The following DPP10 variants were observed in gnomAD, a reference collection of about 807,000 sequenced individuals.
The protein encoded by DPP10 is inactive dipeptidyl peptidase 10.
DPP10 carries 33 observed loss-of-function variants against 120.9 expected under a neutral mutation model. The ratio of observed to expected loss-of-function variants is 0.27; its 90% CI spans 0.21 to 0.37. DPP10 has a LOEUF of 0.37. Among genes scored for constraint, DPP10 ranks in the 10% least tolerant of loss-of-function variants. The pLI is 1.00. For synonymous variants in DPP10, 337 were observed against 326.1 expected (o/e 1.03, Z -0.36); for missense variants, 816 against 942.8 (o/e 0.87, Z 1.76).
chr2:115,794,834 T>C (rs55678800), intron 19 of DPP10, among the ~76,000 whole-genome samples: 281 of 152,276 alleles, frequency 1.8e-3, no homozygotes, highest in Non-Finnish European at 3.4e-3. Flanking sequence ...CTCGTATTGT[T>C]CTTTTTTAAT....
intron 1 of DPP10, among the ~76,000 whole-genome samples, chr2:114,795,827 G>A (rs986821335): frequency 2.6e-5 from 4 of 151,922 alleles, no homozygotes; most frequent in South Asian, 2.1e-4. Flanking sequence ...AAATATACAC[G>A]AATCTATTAT....
At chr2:115,452,389 C>G (rs1052585313) in intron 3 of DPP10, among the ~76,000 whole-genome samples, 2 of 151,932 alleles carry the variant, frequency 1.3e-5, no homozygotes, top group African/African-American at 4.8e-5. Flanking sequence ...CTCCCACACT[C>G]TCTAATTCCT....
chr2:115,785,724 CT>C (rs1217435027), intron 17 of DPP10, among the ~76,000 whole-genome samples: 1 of 151,862 alleles, frequency 6.6e-6, no homozygotes, highest in Non-Finnish European at 1.5e-5. Context: ...ACTTTTCTCT[CT>C]TTTTTCTTAG....
chr2:115,517,061 T>A (rs1372184691), intron 4 of DPP10, among the ~76,000 whole-genome samples: 1 of 152,160 alleles, frequency 6.6e-6, no homozygotes, highest in Non-Finnish European at 1.5e-5. Flanking sequence ...TTTGTCATTA[T>A]TGTGTGAAGT....
intron 1 of DPP10, among the ~76,000 whole-genome samples, chr2:114,859,312 G>C (rs76779509): frequency 2.5e-4 from 37 of 150,912 alleles, no homozygotes; most frequent in African/African-American, 8.5e-4. Flanking sequence ...AGCTAGCAGC[G>C]AGCCAAGATC....
intron 1 of DPP10, among the ~76,000 whole-genome samples, chr2:114,951,592 T>C (rs1187543625): frequency 6.6e-6 from 1 of 152,186 alleles, no homozygotes; most frequent in African/African-American, 2.4e-5. Context: ...GAAGGTTTTT[T>C]AATAAGAAGA....
At chr2:115,235,920 C>T (rs1245861475) in intron 1 of DPP10, among the ~76,000 whole-genome samples, 7 of 152,286 alleles carry the variant, frequency 4.6e-5, no homozygotes, top group Non-Finnish European at 8.8e-5. Flanking sequence ...GTCCTTATGG[C>T]TTAAGTCTGC....
At position 115,573,832 on chromosome 2, in the gene DPP10, G is replaced by A. The variant is rs1378341311; in HGVS notation, c.441+47860G>A. On this transcript the variant is annotated intron_variant, in intron 5 of 25. Coordinates refer to ENST00000410059, the MANE Select transcript of DPP10 (RefSeq NM_020868.6). Reference sequence around the variant, plus strand: ...GACCTCTCAAAATGCTGGAATGACAGGTGTGAGTCATCACGCCTGGCCAAG... The same window carrying A: ...GACCTCTCAAAATGCTGGAATGACAAGTGTGAGTCATCACGCCTGGCCAAG... Among the ~76,000 whole-genome samples, 52 of 151,368 alleles carry A rather than the reference G, an allele frequency of 3.4e-4. No individual in the cohort carries two copies. In the Admixed American group the frequency reaches 3.5e-3, roughly 10 times the overall value.
Position 114,827,155 on chromosome 2 carries a change from A to T in DPP10, c.60+384317A>T, listed in dbSNP as rs1023319242. 6.6e-5 allele frequency among the ~76,000 whole-genome samples: 10 copies of T among 152,122 alleles called. No individual in the cohort carries two copies. In the East Asian group the frequency reaches 1.2e-3, roughly 18 times the overall value. ...TAAGTTCTCTTATGGGAGTTTGCAGATACTGTTTTGACTCTGAATATAGAG... is the reference window on the plus strand; with the variant it reads ...TAAGTTCTCTTATGGGAGTTTGCAGTTACTGTTTTGACTCTGAATATAGAG... On this transcript the variant is annotated intron_variant, in intron 1 of 25. Transcript: ENST00000410059.
intron 1 of DPP10, among the ~76,000 whole-genome samples, chr2:114,448,352 C>T (rs116842609): frequency 2.6e-5 from 4 of 152,010 alleles, no homozygotes. Context: ...TCTAGAAATT[C>T]ATGTTTTGGT....
At chr2:115,135,241 G>GATATAT (rs10534692) in intron 1 of DPP10, among the ~76,000 whole-genome samples, 1 of 147,814 alleles carries the variant, frequency 6.8e-6, no homozygotes, top group African/African-American at 2.5e-5. Flanking sequence ...GGGCCCTTGA[G>GATATAT]ATATATATAT....
chr2:115,798,056 T>C lies in DPP10; in HGVS notation c.1700+6700T>C, dbSNP rs1047526068. 4.9e-4 allele frequency among the ~76,000 whole-genome samples: 75 copies of C among 152,024 alleles called. 2 individuals are homozygous for C. The highest frequency in any genetic ancestry group is 1.6e-3 in the African/African-American group (68 of 41,514). On this transcript the variant is annotated intron_variant, in intron 19 of 25. Coordinates refer to ENST00000410059, the MANE Select transcript of DPP10 (RefSeq NM_020868.6). Reference sequence around the variant, plus strand: ...TTAGATATGCATGGATTCACAGAATTATATGAATGATATAATATGGTTTCA... The same window carrying C: ...TTAGATATGCATGGATTCACAGAATCATATGAATGATATAATATGGTTTCA...
intron 1 of DPP10, among the ~76,000 whole-genome samples, chr2:114,518,069 ATTTTTTTTTTT>A (rs751351962): frequency 1.1e-4 from 6 of 54,140 alleles, no homozygotes; most frequent in African/African-American, 4.1e-4. Context: ...TGAGCTATTC[ATTTTTTTTTTT>A]TTTTTTTTTT....
chr2:115,243,283 C>G (rs764206923), intron 1 of DPP10, among the ~76,000 whole-genome samples: 1 of 152,176 alleles, frequency 6.6e-6, no homozygotes, highest in Non-Finnish European at 1.5e-5. Context: ...AGGGTGATTT[C>G]GATGGGCCCA....
chr2:115,644,843 A>T (rs1228748227), intron 5 of DPP10, among the ~76,000 whole-genome samples: 1 of 152,186 alleles, frequency 6.6e-6, no homozygotes, highest in Non-Finnish European at 1.5e-5. Context: ...TGGAGTTAAC[A>T]GTCAGTACCA....
intron 1 of DPP10, among the ~76,000 whole-genome samples, chr2:115,260,237 T>G (rs182223955): frequency 2.6e-5 from 4 of 152,184 alleles, no homozygotes; most frequent in Non-Finnish European, 5.9e-5. Context: ...CATCGTGGTA[T>G]TATTTTCAAG....
At chr2:114,984,812 G>A (rs1574634028) in intron 1 of DPP10, among the ~76,000 whole-genome samples, 2 of 152,040 alleles carry the variant, frequency 1.3e-5, no homozygotes, top group African/African-American at 2.4e-5. Context: ...AGACATGCCC[G>A]TGTTTGCCAT....
At chr2:114,910,805 T>C (rs1376726776) in intron 1 of DPP10, among the ~76,000 whole-genome samples, 1 of 152,142 alleles carries the variant, frequency 6.6e-6, no homozygotes, top group East Asian at 1.9e-4. Flanking sequence ...ATTTGGAATA[T>C]AGGGTTTAAA....
At chr2:115,364,244 T>C (rs987584893) in intron 3 of DPP10, among the ~76,000 whole-genome samples, 3 of 152,130 alleles carry the variant, frequency 2.0e-5, no homozygotes, top group African/African-American at 7.2e-5. Context: ...CTGCCTTCAC[T>C]TTGGCAGGGT....
Sources: allele counts gnomAD v4.1 joint callset (sites outside exome capture counted in the v4.1 genomes callset), GRCh38; gene constraint gnomAD v4.1.1; transcripts MANE v1.5; gene names NCBI Gene and HGNC (gene_info 2026-07-23, HGNC 2026-07-21).